SVEP1: variants seen among roughly 807,000 people sequenced by gnomAD.
SVEP1 encodes sushi, von Willebrand factor type A, EGF and pentraxin domain containing 1.
SVEP1 carries 164 observed loss-of-function variants against 367.3 expected under a neutral mutation model. The ratio of observed to expected loss-of-function variants is 0.45; its 90% CI spans 0.39 to 0.51. SVEP1 has a LOEUF of 0.51. SVEP1 is among the 20% of genes least tolerant of loss of function. The pLI is 0.00. For synonymous variants in SVEP1, 1,666 were observed against 1,611.6 expected, an observed-to-expected ratio of 1.03 and a Z score of -0.81; for missense variants, 4,117 against 4,425.3, an observed-to-expected ratio of 0.93 and a Z score of 1.98.
At chr9:110,534,942 C>A (rs1180543921) in intron 3 of SVEP1, among the ~76,000 whole-genome samples, 1 of 151,976 alleles carries the variant, frequency 6.6e-6, no homozygotes, top group Non-Finnish European at 1.5e-5. Context: ...GCAGCATTTG[C>A]AAATATTTTC....
At position 110,491,617 on chromosome 9, in the gene SVEP1, GCA is replaced by G. The variant is rs1272658441; in HGVS notation, c.1801-1840_1801-1839del. ...TGTGTGTGTGTGTGTGTGTGTGTGT[GCA>G]AATTTATCTGTATCTTGGTAGTCAA... On this transcript the variant is annotated intron_variant, in intron 8 of 47. Transcript: ENST00000374469. Among the ~76,000 whole-genome samples, 262 of 150,900 alleles carry G rather than the reference GCA, an allele frequency of 1.7e-3. 3 individuals carry two copies. Among genetic ancestry groups the G allele is most frequent in the African/African-American group, 6.1e-3 (253 of 41,216 alleles).
chr9:110,507,743 T>C (rs1829647118), intron 5 of SVEP1, among the ~76,000 whole-genome samples: 1 of 152,236 alleles, frequency 6.6e-6, no homozygotes, highest in African/African-American at 2.4e-5. Context: ...GTGTCCTTCA[T>C]GTGTATCCCA....
intron 1 of SVEP1, among the ~76,000 whole-genome samples, chr9:110,573,642 G>A (rs1284867611): frequency 6.6e-6 from 1 of 152,136 alleles, no homozygotes; most frequent in Non-Finnish European, 1.5e-5. Context: ...GGAAATGAGG[G>A]GCTCTGGTTT....
Position 110,366,373 on chromosome 9 carries a change from G to T in SVEP1, c.*166C>A. 1 of 530,094 alleles carries T rather than the reference G, an allele frequency of 1.9e-6. No individual in the cohort carries two copies. Among genetic ancestry groups the T allele is most frequent in the Middle Eastern group, 2.9e-4 (1 of 3,464 alleles). 32.8% of individuals were successfully genotyped at this position (530,094 alleles called of 1,614,324 possible). Reference sequence around the variant, plus strand: ...AACATGTAAGAAAGTATGTCACAAGGAATAACAAAATATATCACAAAATAA... The same window carrying T: ...AACATGTAAGAAAGTATGTCACAAGTAATAACAAAATATATCACAAAATAA... On this transcript the variant is annotated 3_prime_UTR_variant, in exon 48 of 48. Transcript: ENST00000374469.
rs1564148594 is a variant in SVEP1 at position 110,458,358 on chromosome 9, A to G, written c.3576+113T>C. 16 of 840,304 alleles carry G rather than the reference A, an allele frequency of 1.9e-5. No homozygotes were observed. In the South Asian group the frequency reaches 2.4e-4, roughly 13 times the overall value. 52.1% of individuals were successfully genotyped at this position (840,304 alleles called of 1,614,324 possible). Reference sequence around the variant, plus strand: ...AATTATTCATTTATAAAATTCATACATCTTGATTACTTAAAGTTTCAATCC... The same window carrying G: ...AATTATTCATTTATAAAATTCATACGTCTTGATTACTTAAAGTTTCAATCC... On this transcript the variant is annotated intron_variant, in intron 20 of 47. Transcript: ENST00000374469.
chr9:110,444,555 C>G (rs1828561509), intron 26 of SVEP1, among the ~76,000 whole-genome samples: 1 of 152,134 alleles, frequency 6.6e-6, no homozygotes, highest in Non-Finnish European at 1.5e-5. Context: ...ATTGAAACAA[C>G]AAGGATGGCC....
Position 110,466,760 on chromosome 9 carries a change from CAAA to C in SVEP1, c.3161-737_3161-735del, listed in dbSNP as rs71371670. Reference sequence around the variant, plus strand: ...TGGGCGACAGAGCGAGACTCCATCTCAAAAAAAAAAAAAAAAAAGAACTGGCTG... The same window carrying C: ...TGGGCGACAGAGCGAGACTCCATCTCAAAAAAAAAAAAAAAGAACTGGCTG... On this transcript the variant is annotated intron_variant, in intron 17 of 47. Transcript: ENST00000374469. 4.3e-5 allele frequency among the ~76,000 whole-genome samples: 2 copies of C among 46,424 alleles called. 1 individual carries two copies. The highest frequency in any genetic ancestry group is 2.2e-3 in the South Asian group (2 of 908). The allele number at this position is 46,424 out of a possible 152,430, so 30.5% of individuals were successfully genotyped here.
intron 36 of SVEP1, among the ~76,000 whole-genome samples, chr9:110,427,194 A>C (rs1273474509): frequency 6.7e-6 from 1 of 148,298 alleles, no homozygotes; most frequent in Admixed American, 6.8e-5. Context: ...GCTACTTGGG[A>C]GGCTGAGGCA....
intron 36 of SVEP1, among the ~76,000 whole-genome samples, chr9:110,415,879 C>T (rs531796944): frequency 1.3e-5 from 2 of 151,964 alleles, no homozygotes; most frequent in South Asian, 4.1e-4. Context: ...GAAGGGAAGT[C>T]GAGAGGATAG....
intron 25 of SVEP1, among the ~76,000 whole-genome samples, 173 bp downstream of exon 25, chr9:110,446,726 AG>A (rs1267910114): frequency 6.6e-5 from 10 of 152,172 alleles, no homozygotes; most frequent in Non-Finnish European, 1.3e-4. Flanking sequence ...TGTGCCACTG[AG>A]GATAATAGTA....
At position 110,407,990 on chromosome 9, in the gene SVEP1, G is replaced by A. The variant is rs750364304; in HGVS notation, c.7610C>T (p.Thr2537Ile). 1.2e-6 allele frequency: 2 copies of A among 1,613,912 alleles called. No homozygotes were observed. The highest frequency in any genetic ancestry group is 2.7e-5 in the African/African-American group (2 of 74,938). ...GFRLEGPSALTCLETGDWDVD... is the reference protein window; with the variant it reads ...GFRLEGPSALICLETGDWDVD... ...ATCCCAATCACCTGTCTCTAAACAGGTCAAGGCACTGGGACCTTCGAGCCG... is the reference window on the plus strand; with the variant it reads ...ATCCCAATCACCTGTCTCTAAACAGATCAAGGCACTGGGACCTTCGAGCCG... Residue 2537 changes from threonine (T) to isoleucine (I), a missense_variant, in exon 38 of 48, where the codon ACC becomes ATC. Physicochemically the swap from Thr to Ile is moderately conservative, Grantham distance 89. Transcript: ENST00000374469.
At chr9:110,572,047 G>A (rs1298337097) in intron 1 of SVEP1, among the ~76,000 whole-genome samples, 2 of 152,092 alleles carry the variant, frequency 1.3e-5, no homozygotes, top group Non-Finnish European at 2.9e-5. Flanking sequence ...AGCAACACTG[G>A]ACATGGAATC....
At chr9:110,442,064 A>T (rs1355114973) in intron 27 of SVEP1, among the ~76,000 whole-genome samples, 1 of 152,124 alleles carries the variant, frequency 6.6e-6, no homozygotes, top group Non-Finnish European at 1.5e-5. Context: ...AGGCTCCTTC[A>T]CTAAATTAGT....
At position 110,377,378 on chromosome 9, in the gene SVEP1, G is replaced by A. The variant is rs1024114144; in HGVS notation, c.10409-12C>T. The A allele has an allele frequency of 6.2e-7, 1 of 1,612,408 alleles. No homozygotes were observed. ...AAATCGACAGACAGCTGGAAAAGAA[G>A]CAGGATGGGTCACAAATGTAGGGAA... On this transcript the variant is annotated splice_polypyrimidine_tract_variant and intron_variant, in intron 44 of 47. Coordinates refer to ENST00000374469, the MANE Select transcript of SVEP1 (RefSeq NM_153366.4).
At chr9:110,440,900 G>T (rs1828501513) in intron 27 of SVEP1, among the ~76,000 whole-genome samples, 1 of 152,078 alleles carries the variant, frequency 6.6e-6, no homozygotes, top group Admixed American at 6.6e-5. Flanking sequence ...GAAGGCAGAA[G>T]GGGCCATGAA....
At chr9:110,532,280 T>C (rs1234911971) in intron 3 of SVEP1, among the ~76,000 whole-genome samples, 2 of 152,112 alleles carry the variant, frequency 1.3e-5, no homozygotes, top group African/African-American at 4.8e-5. Flanking sequence ...TAATACCATA[T>C]GGTAAGTGTG....
At chr9:110,443,773 C>G (rs1588055868) in intron 26 of SVEP1, 53 bp from the exon 27 acceptor site, 1 of 1,416,814 alleles carries the variant, frequency 7.1e-7, no homozygotes, top group East Asian at 2.6e-5. Flanking sequence ...TGTTGCAATC[C>G]TTACTGTGGG....
chr9:110,532,004 C>T (rs988608258), intron 3 of SVEP1, among the ~76,000 whole-genome samples: 1 of 152,140 alleles, frequency 6.6e-6, no homozygotes, highest in African/African-American at 2.4e-5. Flanking sequence ...GGTCAGTAGA[C>T]TTGTTCACCT....
At chr9:110,559,162 C>A (rs1341490956) in intron 1 of SVEP1, among the ~76,000 whole-genome samples, 2 of 151,936 alleles carry the variant, frequency 1.3e-5, no homozygotes, top group East Asian at 3.8e-4. Context: ...TAAGTATTTT[C>A]ATTATTATTT....
Sources: allele counts gnomAD v4.1 joint callset (sites outside exome capture counted in the v4.1 genomes callset), GRCh38; gene constraint gnomAD v4.1.1; transcripts MANE v1.5; gene names NCBI Gene and HGNC (gene_info 2026-07-23, HGNC 2026-07-21).